SPECC1: variants seen among roughly 807,000 people sequenced by gnomAD.
SPECC1 encodes the protein sperm antigen with calponin homology and coiled-coil domains 1, also known as cytospin-B.
A neutral mutation model predicts 104.1 loss-of-function variants in SPECC1; 62 were observed. The observed-to-expected ratio is 0.60, with a 90% CI of 0.49 to 0.74. The LOEUF is 0.74. Among genes scored for constraint, SPECC1 ranks in the 30% least tolerant of loss-of-function variants. SPECC1 has a pLI of 0.00. For synonymous variants in SPECC1, 513 were observed against 501.6 expected (o/e 1.02, Z -0.30); for missense variants, 1,306 against 1,310.5 (o/e 1.00, Z 0.05).
intron 12 of SPECC1, among the ~76,000 whole-genome samples, chr17:20,287,146 G>A (rs553090339): frequency 2.0e-5 from 3 of 152,264 alleles, no homozygotes; most frequent in South Asian, 2.1e-4. Flanking sequence ...GGCCGGGCGC[G>A]GGTGCTCACG....
intron 12 of SPECC1, among the ~76,000 whole-genome samples, chr17:20,266,434 A>T (rs1416529159): frequency 6.6e-6 from 1 of 152,076 alleles, no homozygotes; most frequent in Non-Finnish European, 1.5e-5. Context: ...AATACAAAAA[A>T]TTAGCCGGGC....
chr17:20,248,404 G>A (rs982410210), intron 9 of SPECC1, among the ~76,000 whole-genome samples: 7 of 152,120 alleles, frequency 4.6e-5, no homozygotes, highest in Non-Finnish European at 1.0e-4. Context: ...CCCGTCTTGA[G>A]ATCTTCTACA....
At chr17:20,117,995 G>A (rs953641919) in intron 3 of SPECC1, among the ~76,000 whole-genome samples, 1 of 151,976 alleles carries the variant, frequency 6.6e-6, no homozygotes, top group Non-Finnish European at 1.5e-5. Flanking sequence ...GTCCCAGCTA[G>A]TTGGGAGACA....
chr17:20,041,012 T>G (rs2045303289), intron 1 of SPECC1, among the ~76,000 whole-genome samples: 1 of 151,402 alleles, frequency 6.6e-6, no homozygotes. Flanking sequence ...CCTCCCTCCT[T>G]CCCTTCCTTC....
At chr17:20,282,468 A>G (rs2040806588) in intron 12 of SPECC1, among the ~76,000 whole-genome samples, 1 of 152,252 alleles carries the variant, frequency 6.6e-6, no homozygotes, top group Admixed American at 6.5e-5. Context: ...ATTCCAAATT[A>G]GTCTCTAAAT....
chr17:20,022,067 G>A (rs1391776723), intron 1 of SPECC1, among the ~76,000 whole-genome samples: 1 of 151,738 alleles, frequency 6.6e-6, no homozygotes, highest in Non-Finnish European at 1.5e-5. Context: ...TCAACCTCCT[G>A]AGTAGCTGGG....
intron 1 of SPECC1, among the ~76,000 whole-genome samples, chr17:20,073,907 G>A (rs1022227986): frequency 6.6e-6 from 1 of 152,150 alleles, no homozygotes; most frequent in Admixed American, 6.5e-5. Context: ...AAAAGGATTT[G>A]AAACCCACCT....
At chr17:20,051,096 CTTT>C (rs1705206399) in intron 1 of SPECC1, among the ~76,000 whole-genome samples, 5 of 115,194 alleles carry the variant, frequency 4.3e-5, no homozygotes, top group African/African-American at 1.1e-4. Context: ...TTCTTTCTTT[CTTT>C]CTTTCTTTCT....
intron 3 of SPECC1, among the ~76,000 whole-genome samples, chr17:20,197,487 T>C (rs2036115045): frequency 7.1e-6 from 1 of 139,874 alleles, no homozygotes; most frequent in African/African-American, 2.6e-5. Context: ...CCCTGGCTTC[T>C]GAGCTACAGC....
Position 20,247,258 on chromosome 17 carries a change from G to A in SPECC1, c.2537G>A (p.Arg846Lys), listed in dbSNP as rs756240088. The change falls in exon 9 of 15, where the codon AGA becomes AAA. Residue 846 changes from arginine to lysine, a missense_variant. Arg to Lys is a conservative substitution (Grantham distance 26). Around this residue, in one of 2 missense-constraint regions of SPECC1, gnomAD observed 1,177 missense variants for 1,139.9 expected, o/e 1.03. Transcript: ENST00000395527. Reference protein sequence around the residue: ...GQNISVHKTPRSPLSGIPVRT... With the variant: ...GQNISVHKTPKSPLSGIPVRT... ...AATATTTCTGTCCATAAGACCCCCA[G>A]AAGTCCCCTAAGTGGGATACCAGTG... 6.2e-7 allele frequency: 1 copy of A among 1,613,770 alleles called. No individual in the cohort carries two copies. Among genetic ancestry groups the A allele is most frequent in the Admixed American group, 1.7e-5 (1 of 59,976 alleles).
At chr17:20,173,791 T>C (rs145912627) in intron 3 of SPECC1, among the ~76,000 whole-genome samples, 39 of 152,382 alleles carry the variant, frequency 2.6e-4, no homozygotes, top group African/African-American at 7.7e-4. Flanking sequence ...TTACAGTGTT[T>C]AAAGTTTTTT....
At chr17:20,300,722 A>C (rs896107801) in intron 13 of SPECC1, among the ~76,000 whole-genome samples, 14 of 152,238 alleles carry the variant, frequency 9.2e-5, no homozygotes, top group Non-Finnish European at 1.5e-5. Flanking sequence ...CAGCCGTGGC[A>C]GCATGCAGTG....
chr17:20,160,799 C>A (rs2033070178), intron 3 of SPECC1, among the ~76,000 whole-genome samples: 1 of 152,096 alleles, frequency 6.6e-6, no homozygotes, highest in African/African-American at 2.4e-5. Flanking sequence ...AGTTTTCAAG[C>A]CTCTCTACTA....
At chr17:20,038,019 C>G (rs892702514) in intron 1 of SPECC1, among the ~76,000 whole-genome samples, 2 of 152,070 alleles carry the variant, frequency 1.3e-5, no homozygotes, top group African/African-American at 4.8e-5. Flanking sequence ...GTAATTAGTC[C>G]ATTTCATCTA....
chr17:20,240,016 C>A (rs1479870915), intron 7 of SPECC1, among the ~76,000 whole-genome samples: 1 of 144,716 alleles, frequency 6.9e-6, no homozygotes, highest in Non-Finnish European at 1.5e-5. Flanking sequence ...ACCCCAGCCT[C>A]CTGAGTAGCT....
At chr17:20,229,959 C>T (rs2038469127) in intron 5 of SPECC1, among the ~76,000 whole-genome samples, 1 of 152,136 alleles carries the variant, frequency 6.6e-6, no homozygotes, top group African/African-American at 2.4e-5. Flanking sequence ...TTCAAAAGGC[C>T]ATAAAGTGTG....
chr17:20,247,575 A>G (rs1015858240), intron 9 of SPECC1, among the ~76,000 whole-genome samples: 2 of 152,214 alleles, frequency 1.3e-5, no homozygotes, highest in Non-Finnish European at 2.9e-5. Context: ...GCACATGGTC[A>G]CATTATAGTA....
intron 7 of SPECC1, chr17:20,239,565 TG>T (rs2039098528): frequency 1.3e-5 from 2 of 156,058 alleles, no homozygotes; most frequent in Admixed American, 1.3e-4. Context: ...GTCTTACTAA[TG>T]CACAACAAGG....
intron 12 of SPECC1, among the ~76,000 whole-genome samples, chr17:20,282,369 C>T (rs541719357): frequency 6.6e-6 from 1 of 152,306 alleles, no homozygotes; most frequent in South Asian, 2.1e-4. Flanking sequence ...ACCAGCTCAC[C>T]GTGGCCGCTG....
Sources: gnomAD v4.1 joint callset for allele counts (sites outside exome capture counted in the v4.1 genomes callset) on GRCh38, gnomAD v4.1.1 for gene constraint, gnomAD v4.1.1 regional missense constraint, MANE v1.5 for transcripts, NCBI Gene and HGNC (gene_info 2026-07-23, HGNC 2026-07-21) for gene names.